NCOA2: variants seen among roughly 807,000 people sequenced by gnomAD.
The protein encoded by NCOA2 is nuclear receptor coactivator 2.
In NCOA2, 21 loss-of-function variants were observed where a neutral mutation model predicts 145.1. The ratio of observed to expected loss-of-function variants is 0.14; its 90% CI spans 0.10 to 0.21. NCOA2 has a LOEUF of 0.21. NCOA2 is among the 10% of genes least tolerant of loss of function. The pLI, the probability that NCOA2 is intolerant of heterozygous loss-of-function variation, is 1.00. For missense variants in NCOA2, 1,472 were observed against 1,837.6 expected, an observed-to-expected ratio of 0.80 and a Z score of 3.64; for synonymous variants, 619 against 637.5, an observed-to-expected ratio of 0.97 and a Z score of 0.44.
At chr8:70,172,857 GTTTTT>G (rs982100782) in intron 5 of NCOA2, among the ~76,000 whole-genome samples, 1 of 151,888 alleles carries the variant, frequency 6.6e-6, no homozygotes, top group Non-Finnish European at 1.5e-5. Flanking sequence ...ATAAAGCTGT[GTTTTT>G]TTTAAGGCTC....
intron 1 of NCOA2, among the ~76,000 whole-genome samples, chr8:70,364,774 A>G (rs1396024549): frequency 6.7e-6 from 1 of 149,890 alleles, no homozygotes; most frequent in Non-Finnish European, 1.5e-5. Context: ...AAATTTCAGG[A>G]GCAAAGTAAT....
intron 1 of NCOA2, among the ~76,000 whole-genome samples, chr8:70,307,033 C>G (rs1322399494): frequency 6.6e-6 from 1 of 152,120 alleles, no homozygotes; most frequent in African/African-American, 2.4e-5. Flanking sequence ...TTCTGCCAGG[C>G]TCCCTTCTCT....
At chr8:70,445,811 A>G in the NCOA2 span, among the ~76,000 whole-genome samples, 1 of 152,232 alleles carries the variant, frequency 6.6e-6, no homozygotes, top group Non-Finnish European at 1.5e-5. Context: ...TCATTTAACT[A>G]TGCAAGAAGT....
chr8:70,160,696 A>AGAGAGAGAGAGACG (rs1331894915), intron 9 of NCOA2, among the ~76,000 whole-genome samples: 5 of 138,322 alleles, frequency 3.6e-5, no homozygotes, highest in African/African-American at 1.3e-4. Context: ...AGAGAGAGAG[A>AGAGAGAGAGAGACG]GAGAGACTGA....
At chr8:70,285,473 T>A (rs892886173) in intron 2 of NCOA2, among the ~76,000 whole-genome samples, 3 of 152,230 alleles carry the variant, frequency 2.0e-5, no homozygotes, top group African/African-American at 7.2e-5. Flanking sequence ...CCTGTTGTGA[T>A]GATCTAAAAT....
At chr8:70,267,692 A>C (rs766558549) in intron 2 of NCOA2, among the ~76,000 whole-genome samples, 2 of 152,192 alleles carry the variant, frequency 1.3e-5, no homozygotes, top group Non-Finnish European at 2.9e-5. Flanking sequence ...GAAAGAAAGG[A>C]ATACCTACAG....
At chr8:70,150,607 T>C (rs1719384505) in intron 11 of NCOA2, among the ~76,000 whole-genome samples, 1 of 152,244 alleles carries the variant, frequency 6.6e-6, no homozygotes, top group African/African-American at 2.4e-5. Flanking sequence ...AACCATTTAA[T>C]AACCATCTGT....
intron 4 of NCOA2, 113 bp from the exon 5 acceptor site, chr8:70,174,972 C>T: frequency 2.1e-6 from 2 of 940,230 alleles, no homozygotes; most frequent in Non-Finnish European, 3.3e-6. Flanking sequence ...TCAGATGCAG[C>T]TACAAAAGAG....
At chr8:70,135,847 A>G (rs753552091) in intron 15 of NCOA2, among the ~76,000 whole-genome samples, 2 of 152,188 alleles carry the variant, frequency 1.3e-5, no homozygotes, top group Admixed American at 6.5e-5. Context: ...CCCATACCTT[A>G]AAGTCTACAT....
chr8:70,335,155 A>AAAAAAAAAAAT lies in NCOA2; in HGVS notation c.-76-38356_-76-38355insATTTTTTTTTT, dbSNP rs774576238. On this transcript the variant is annotated intron_variant, in intron 1 of 22. Transcript: ENST00000452400. The stretch of plus-strand genomic sequence containing the variant: ...AAAAAAAAAAAAAAAAAAAAAAAAG[A>AAAAAAAAAAAT]TCTCTCCCTATGACCATTTTCTCAG... Among the ~76,000 whole-genome samples, 9 of 115,386 alleles carry AAAAAAAAAAAT rather than the reference A, an allele frequency of 7.8e-5. No individual in the cohort carries two copies. In the South Asian group the frequency reaches 9.2e-4, roughly 12 times the overall value. The allele number at this position is 115,386 out of a possible 152,430, so 75.7% of individuals were successfully genotyped here. A position where few individuals can be genotyped will look rare whatever the true frequency, so the allele number is the denominator to read the frequency against.
chr8:70,334,266 A>AT (rs1241076432), intron 1 of NCOA2, among the ~76,000 whole-genome samples: 1 of 152,206 alleles, frequency 6.6e-6, no homozygotes. Context: ...AATGGCCCAT[A>AT]TATCAACCCT....
chr8:70,202,322 G>GTA (rs886998455), intron 4 of NCOA2, among the ~76,000 whole-genome samples: 7 of 152,186 alleles, frequency 4.6e-5, no homozygotes, highest in African/African-American at 1.7e-4. Flanking sequence ...GTATAAGCCA[G>GTA]TAATCTCACT....
At chr8:70,348,761 TTTGGG>T (rs1405853171) in intron 1 of NCOA2, among the ~76,000 whole-genome samples, 1 of 151,948 alleles carries the variant, frequency 6.6e-6, no homozygotes, top group Non-Finnish European at 1.5e-5. Context: ...AAAGAACTGG[TTTGGG>T]TGGAGGGAAG....
At chr8:70,215,617 C>G (rs1819536121) in intron 3 of NCOA2, among the ~76,000 whole-genome samples, 1 of 152,048 alleles carries the variant, frequency 6.6e-6, no homozygotes. Context: ...TTTTCCTAGC[C>G]CTCTTCCCTA....
chr8:70,128,905 G>A lies in NCOA2; in HGVS notation c.3400C>T (p.Pro1134Ser). Residue 1134 changes from proline to serine, a missense_variant, in exon 17 of 23, where the codon CCA becomes TCA. Pro to Ser is a moderately conservative substitution (Grantham distance 74, BLOSUM62 -1). Around this residue, in one of 4 missense-constraint regions of NCOA2, gnomAD observed 953 missense variants for 1,062.1 expected, o/e 0.90. Coordinates refer to ENST00000452400, the MANE Select transcript of NCOA2 (RefSeq NM_006540.4). ...TGTGCCTGAGATGCATACTGCTGTG[G>A]GAAAACGGGCGCCTTCTGCTCCAGC... ...IMLEQKAPVF[P>S]QQYASQAQMA... 1 of 1,613,472 alleles carries A rather than the reference G, an allele frequency of 6.2e-7. No individual in the cohort carries two copies.
At chr8:70,213,063 C>G (rs1249331460) in intron 4 of NCOA2, among the ~76,000 whole-genome samples, 1 of 132,576 alleles carries the variant, frequency 7.5e-6, no homozygotes, top group African/African-American at 2.9e-5. Flanking sequence ...CCAGCCTGGG[C>G]GATAGAGTGA....
chr8:70,348,959 T>A (rs1192251922), intron 1 of NCOA2, among the ~76,000 whole-genome samples: 1 of 132,806 alleles, frequency 7.5e-6, no homozygotes, highest in Non-Finnish European at 1.5e-5. Flanking sequence ...TAAAAGGGCA[T>A]ACTGGCATAG....
chr8:70,391,542 T>C (rs1481551132), intron 1 of NCOA2, among the ~76,000 whole-genome samples: 3 of 152,184 alleles, frequency 2.0e-5, no homozygotes, highest in African/African-American at 4.8e-5. Flanking sequence ...CAATAAGCTC[T>C]CAAAGGTTGG....
chr8:70,337,905 AC>A (rs1167596894), intron 1 of NCOA2, among the ~76,000 whole-genome samples: 2 of 152,238 alleles, frequency 1.3e-5, no homozygotes, highest in Admixed American at 1.3e-4. Context: ...GAACAAAGAG[AC>A]AACATACCAG....
Sources: gnomAD v4.1 joint callset for allele counts (sites outside exome capture counted in the v4.1 genomes callset) on GRCh38, gnomAD v4.1.1 for gene constraint, gnomAD v4.1.1 regional missense constraint, MANE v1.5 for transcripts, NCBI Gene and HGNC (gene_info 2026-07-23, HGNC 2026-07-21) for gene names.